BICRA: variants seen among roughly 807,000 people sequenced by gnomAD.
BICRA encodes BRD4 interacting chromatin remodeling complex associated protein.
In BICRA, 31 loss-of-function variants were observed where a neutral mutation model predicts 96.9. That is an observed-to-expected ratio of 0.32 (90% CI 0.24 to 0.43). The LOEUF is 0.43. Ranked by LOEUF, BICRA falls within the 20% of genes least tolerant of loss-of-function variation. The pLI, the probability that BICRA is intolerant of heterozygous loss-of-function variation, is 1.00. For synonymous variants in BICRA, 1,350 were observed against 1,071.8 expected (o/e 1.26, Z -5.07); for missense variants, 2,283 against 2,190.3 (o/e 1.04, Z -0.84).
rs762557179 is a variant in BICRA at position 47,680,384 on chromosome 19, C to T, written c.1214C>T (p.Ala405Val). ...CTGACGTTCATGGCGGCGGGGAAGG[C>T]GGGCCAGAACGTGGTGCTGTCGGGC... ...QNLTFMAAGK[A>V]GQNVVLSGFP... The change falls in exon 6 of 15, where the codon GCG becomes GTG. Residue 405 changes from alanine to valine, a missense_variant. Coordinates refer to ENST00000594866, the MANE Select transcript of BICRA (RefSeq NM_001394372.1). The T allele has an allele frequency of 8.5e-6, 13 of 1,530,710 alleles. No homozygotes were observed. The highest frequency in any genetic ancestry group is 3.6e-5 in the South Asian group (3 of 83,580). The allele number at this position is 1,530,710 out of a possible 1,614,324, so 94.8% of individuals were successfully genotyped here.
At chr19:47,666,229 G>A (rs1479224034) in intron 1 of BICRA, among the ~76,000 whole-genome samples, 1 of 152,190 alleles carries the variant, frequency 6.6e-6, no homozygotes, top group East Asian at 1.9e-4. Flanking sequence ...CTTGATTCCT[G>A]CTGTGAGCAT....
intron 5 of BICRA, among the ~76,000 whole-genome samples, chr19:47,677,580 C>T (rs538244142): frequency 5.9e-5 from 9 of 152,312 alleles, no homozygotes; most frequent in Middle Eastern, 3.4e-3. Context: ...CCTGTAATCC[C>T]GGCTGCTTGG....
At position 47,681,925 on chromosome 19, in the gene BICRA, C is replaced by T. The variant is rs548869258; in HGVS notation, c.2107-51C>T. On this transcript the variant is annotated intron_variant, in intron 6 of 14. Coordinates refer to ENST00000594866, the MANE Select transcript of BICRA (RefSeq NM_001394372.1). ...GGGCAGGGGTCTCGGGTGGGGAGGT[C>T]GAGGGCCTGTGGGGGCGGCTTTCTG... is the stretch of plus-strand genomic sequence containing the variant. The T allele has an allele frequency of 1.2e-4, 154 of 1,316,546 alleles. 1 individual carries two copies. In the South Asian group the frequency reaches 1.8e-3, roughly 15 times the overall value. 81.6% of individuals were successfully genotyped at this position (1,316,546 alleles called of 1,614,324 possible).
chr19:47,695,360 C>A lies in BICRA; in HGVS notation c.3077-5C>A. The A allele has an allele frequency of 9.0e-7, 1 of 1,114,184 alleles. No homozygotes were observed. The highest frequency in any genetic ancestry group is 1.3e-6 in the Non-Finnish European group (1 of 760,866). 69.0% of individuals were successfully genotyped at this position (1,114,184 alleles called of 1,614,324 possible). ...CCCTGTCTCCCCCACCCCACCCACCCCCAGGCCTCCCTCCTCTGCTTCCAG... is the reference window on the plus strand; with the variant it reads ...CCCTGTCTCCCCCACCCCACCCACCACCAGGCCTCCCTCCTCTGCTTCCAG... On this transcript the variant is annotated splice_polypyrimidine_tract_variant and splice_region_variant and intron_variant, in intron 9 of 14. Coordinates refer to ENST00000594866, the MANE Select transcript of BICRA (RefSeq NM_001394372.1).
At chr19:47,666,315 T>C (rs549295877) in intron 1 of BICRA, among the ~76,000 whole-genome samples, 68 of 151,258 alleles carry the variant, frequency 4.5e-4, no homozygotes, top group African/African-American at 1.5e-3. Flanking sequence ...TTTTGAGCTC[T>C]GTCATCCAGG....
rs1033278811 is a variant in BICRA, at chr19:47,702,098, G to A, written c.4366G>A (p.Ala1456Thr). ...CCCGCCAGAGCCCGCAGCCAGCGCC[G>A]CCCAAGGCACCGGGGACCCCGACTG... ...GPPPEPAASAAQGTGDPDWEA... is the reference protein window; with the variant it reads ...GPPPEPAASATQGTGDPDWEA... Residue 1456 changes from alanine to threonine, a missense_variant, in exon 15 of 15, where the codon GCC becomes ACC. Physicochemically the swap from Ala to Thr is moderately conservative, Grantham distance 58 (BLOSUM62 0). Coordinates refer to ENST00000594866, the MANE Select transcript of BICRA (RefSeq NM_001394372.1). The A allele has an allele frequency of 2.2e-5, 33 of 1,518,798 alleles. No individual in the cohort carries two copies. Among genetic ancestry groups the A allele is most frequent in the East Asian group, 5.1e-5 (2 of 38,896 alleles). 94.1% of individuals were successfully genotyped at this position (1,518,798 alleles called of 1,614,324 possible).
intron 2 of BICRA, among the ~76,000 whole-genome samples, chr19:47,671,126 C>A (rs894344233): frequency 6.6e-6 from 1 of 152,160 alleles, no homozygotes; most frequent in African/African-American, 2.4e-5. Flanking sequence ...ATGAAACATG[C>A]GTGTGTCATT....
intron 1 of BICRA, among the ~76,000 whole-genome samples, chr19:47,667,959 T>C (rs1383094626): frequency 1.3e-5 from 2 of 152,160 alleles, no homozygotes; most frequent in African/African-American, 2.4e-5. Flanking sequence ...TGGGGTGCGG[T>C]GGCTCATGCC....
rs1230364235 is a variant in BICRA, at chr19:47,694,958, C to A, written c.2954C>A (p.Thr985Asn). ...KAGGAPAAPQTSTSLGPLTSP... is the reference protein window; with the variant it reads ...KAGGAPAAPQNSTSLGPLTSP... ...GGGGGGGCCCCTGCCGCCCCGCAGA[C>A]CTCCACCAGCCTGGGGCCCCTCACC... is the stretch of plus-strand genomic sequence containing the variant. Residue 985 changes from threonine to asparagine, a missense_variant, in exon 9 of 15, where the codon ACC becomes AAC. Physicochemically the swap from Thr to Asn is moderately conservative, Grantham distance 65. Transcript: ENST00000594866. 6.4e-7 allele frequency: 1 copy of A among 1,551,926 alleles called. No individual in the cohort carries two copies. The highest frequency in any genetic ancestry group is 2.1e-5 in the Admixed American group (1 of 47,348).
intron 1 of BICRA, among the ~76,000 whole-genome samples, chr19:47,641,963 T>C (rs1285010982): frequency 6.6e-6 from 1 of 152,234 alleles, no homozygotes; most frequent in Non-Finnish European, 1.5e-5. Flanking sequence ...GTATTGTAAA[T>C]GCGATTGTTT....
intron 1 of BICRA, among the ~76,000 whole-genome samples, chr19:47,622,377 A>G (rs905318023): frequency 4.5e-4 from 67 of 147,254 alleles, no homozygotes; most frequent in African/African-American, 9.3e-4. Flanking sequence ...GATTACAGGC[A>G]TGAGCCACCA....
chr19:47,702,098 G>T lies in BICRA; in HGVS notation c.4366G>T (p.Ala1456Ser). Reference protein sequence around the residue: ...GPPPEPAASAAQGTGDPDWEA... With the variant: ...GPPPEPAASASQGTGDPDWEA... ...CCCGCCAGAGCCCGCAGCCAGCGCC[G>T]CCCAAGGCACCGGGGACCCCGACTG... is the stretch of plus-strand genomic sequence containing the variant. Residue 1456 changes from alanine (A) to serine (S), a missense_variant, in exon 15 of 15, where the codon GCC becomes TCC. Coordinates refer to ENST00000594866, the MANE Select transcript of BICRA (RefSeq NM_001394372.1). The T allele has an allele frequency of 6.6e-7, 1 of 1,518,906 alleles. No individual in the cohort carries two copies. Among genetic ancestry groups the T allele is most frequent in the Admixed American group, 2.1e-5 (1 of 47,640 alleles). The allele number at this position is 1,518,906 out of a possible 1,614,324, so 94.1% of individuals were successfully genotyped here. A position where few individuals can be genotyped will look rare whatever the true frequency, so the allele number is the denominator to read the frequency against.
intron 1 of BICRA, among the ~76,000 whole-genome samples, chr19:47,615,513 A>G (rs1283306721): frequency 3.3e-5 from 5 of 152,130 alleles, no homozygotes; most frequent in African/African-American, 1.2e-4. Flanking sequence ...TTCTAATCCC[A>G]GTTCTGCTAT....
Position 47,694,473 on chromosome 19 carries a change from C to A in BICRA, c.2642C>A (p.Pro881Gln). Residue 881 changes from proline (P) to glutamine (Q), a missense_variant, in exon 8 of 15, where the codon CCA becomes CAA. Physicochemically the swap from Pro to Gln is moderately conservative, Grantham distance 76 (BLOSUM62 -1). Coordinates refer to ENST00000594866, the MANE Select transcript of BICRA (RefSeq NM_001394372.1). ...CTGCCCCCAGCCCCCCACCTCCCTCCATCCTCCACCTCCTCTGCTGTGGCC... is the reference window on the plus strand; with the variant it reads ...CTGCCCCCAGCCCCCCACCTCCCTCAATCCTCCACCTCCTCTGCTGTGGCC... ...GPLPPAPHLP[P>Q]SSTSSAVASS... 7.1e-7 allele frequency: 1 copy of A among 1,399,400 alleles called. No individual in the cohort carries two copies. The highest frequency in any genetic ancestry group is 1.0e-6 in the Non-Finnish European group (1 of 991,964). The allele number at this position is 1,399,400 out of a possible 1,614,324, so 86.7% of individuals were successfully genotyped here. A position where few individuals can be genotyped will look rare whatever the true frequency, so the allele number is the denominator to read the frequency against.
At chr19:47,689,675 T>C (rs569313153) in intron 7 of BICRA, among the ~76,000 whole-genome samples, 28 of 71,306 alleles carry the variant, frequency 3.9e-4, no homozygotes, top group African/African-American at 1.2e-3. Context: ...CCTCCCAAAG[T>C]ACTGGGATTA....
In BICRA at chr19:47,681,114, GCAGGCCCCCACCCCA is replaced by G; in HGVS notation, c.1951_1965del (p.Pro651_Ala655del). On this transcript the variant is annotated inframe_deletion, in exon 6 of 15. Coordinates refer to ENST00000594866, the MANE Select transcript of BICRA (RefSeq NM_001394372.1). The stretch of plus-strand genomic sequence containing the variant: ...AGCAGCCGCAGGCGCAGCAGCCCCC[GCAGGCCCCCACCCCA>G]CAGGCCGCCGCCCCGCCTCAGGCCA... 7.2e-7 allele frequency: 1 copy of G among 1,387,354 alleles called. No homozygotes were observed. Among genetic ancestry groups the G allele is most frequent in the Non-Finnish European group, 9.5e-7 (1 of 1,049,680 alleles). 85.9% of individuals were successfully genotyped at this position (1,387,354 alleles called of 1,614,324 possible).
chr19:47,695,615 C>T, intron 10 of BICRA, 141 bp downstream of exon 10: 1 of 611,126 alleles, frequency 1.6e-6, no homozygotes, highest in Non-Finnish European at 3.0e-6. Context: ...ACACCACGAA[C>T]AGCCGTGCAG....
chr19:47,673,888 C>T, intron 4 of BICRA, 126 bp downstream of exon 4: 1 of 840,376 alleles, frequency 1.2e-6, no homozygotes, highest in Non-Finnish European at 2.0e-6. Context: ...ACGCCAGGCA[C>T]TGGAGTTACG....
intron 5 of BICRA, among the ~76,000 whole-genome samples, chr19:47,676,315 G>T (rs1485956159): frequency 6.6e-6 from 1 of 152,096 alleles, no homozygotes; most frequent in Admixed American, 6.5e-5. Flanking sequence ...GCCATGGCAG[G>T]GTGTGACCTA....
Sources: allele counts gnomAD v4.1 joint callset (sites outside exome capture counted in the v4.1 genomes callset), GRCh38; gene constraint gnomAD v4.1.1; transcripts MANE v1.5; gene names NCBI Gene and HGNC (gene_info 2026-07-23, HGNC 2026-07-21).